The following ZRANB3 variants were observed in gnomAD, a reference collection of about 807,000 sequenced individuals.
ZRANB3 encodes zinc finger RANBP2-type containing 3, also known as DNA annealing helicase and endonuclease ZRANB3.
In ZRANB3, 125 loss-of-function variants were observed where a neutral mutation model predicts 133.8. That is an observed-to-expected ratio of 0.93 (90% confidence interval 0.81 to 1.08). ZRANB3 has a LOEUF of 1.08. Ranked by LOEUF, ZRANB3 falls within the 50% of genes least tolerant of loss-of-function variation. The pLI is 0.00. For synonymous variants in ZRANB3, 387 were observed against 432.7 expected (o/e 0.89, Z 1.31); for missense variants, 1,229 against 1,275.5 (o/e 0.96, Z 0.56).
intron 5 of ZRANB3, among the ~76,000 whole-genome samples, chr2:135,347,334 C>T (rs1573952352): frequency 1.3e-5 from 2 of 151,300 alleles, no homozygotes; most frequent in African/African-American, 4.9e-5. Context: ...GCTCTGTCGC[C>T]CAGGCTGGAG....
At chr2:135,365,803 C>T (rs539618159) in intron 3 of ZRANB3, among the ~76,000 whole-genome samples, 22 of 152,192 alleles carry the variant, frequency 1.4e-4, no homozygotes, top group African/African-American at 5.1e-4. Flanking sequence ...CAGCGTGATG[C>T]TTTATATCCT....
At position 135,316,979 on chromosome 2, in the gene ZRANB3, A is replaced by AT. The variant is rs1216261001; in HGVS notation, c.678-1450_678-1449insA. On this transcript the variant is annotated intron_variant, in intron 6 of 20. Transcript: ENST00000264159. ...GATTCCGTCTCGAGAAAAAAAAAAA[A>AT]AAAAATATATATATATATATATACT... Among the ~76,000 whole-genome samples, 1,315 of 143,022 alleles carry AT rather than the reference A, an allele frequency of 9.2e-3. 10 individuals carry two copies. The highest frequency in any genetic ancestry group is 0.034 in the African/African-American group (1,220 of 35,872). The allele number at this position is 143,022 out of a possible 152,430, so 93.8% of individuals were successfully genotyped here.
chr2:135,501,177 A>AT (rs565857039), intron 2 of ZRANB3, among the ~76,000 whole-genome samples: 1,770 of 151,852 alleles, frequency 0.012, 34 homozygotes, highest in African/African-American at 0.041. Context: ...AATTAGACTG[A>AT]TTTTTTTTTA....
intron 15 of ZRANB3, among the ~76,000 whole-genome samples, chr2:135,221,380 T>A (rs1185527938): frequency 1.3e-5 from 2 of 152,136 alleles, no homozygotes; most frequent in African/African-American, 4.8e-5. Context: ...ACTAGGCTGG[T>A]GGCAGAGCCT....
chr2:135,293,405 T>A (rs1339777861), intron 8 of ZRANB3, among the ~76,000 whole-genome samples: 117 of 152,102 alleles, frequency 7.7e-4, no homozygotes, highest in Non-Finnish European at 1.3e-3. Context: ...TTGTCTGTTA[T>A]TGGTGTATAA....
chr2:135,359,690 G>T (rs1288144187), intron 3 of ZRANB3, among the ~76,000 whole-genome samples: 2 of 152,108 alleles, frequency 1.3e-5, no homozygotes, highest in Non-Finnish European at 2.9e-5. Context: ...TCTACTTGAA[G>T]ATCATACCCT....
intron 2 of ZRANB3, among the ~76,000 whole-genome samples, chr2:135,469,559 C>T (rs1210738954): frequency 6.6e-6 from 1 of 152,018 alleles, no homozygotes; most frequent in Non-Finnish European, 1.5e-5. Context: ...TGAATAGCAT[C>T]CCATTTTGAG....
chr2:135,375,863 A>AG (rs1160543498), intron 3 of ZRANB3, among the ~76,000 whole-genome samples: 2 of 152,172 alleles, frequency 1.3e-5, no homozygotes, highest in East Asian at 3.9e-4. Flanking sequence ...TCTCAAAAAA[A>AG]AAAAAATATT....
chr2:135,321,398 G>A (rs1225109077), intron 6 of ZRANB3, among the ~76,000 whole-genome samples: 9 of 151,702 alleles, frequency 5.9e-5, no homozygotes, highest in African/African-American at 1.9e-4. Context: ...TCTGTATATC[G>A]CCTTAGGTCA....
intron 2 of ZRANB3, among the ~76,000 whole-genome samples, chr2:135,474,764 AT>A (rs1260321579): frequency 6.6e-6 from 1 of 152,192 alleles, no homozygotes; most frequent in Non-Finnish European, 1.5e-5. Flanking sequence ...ATAATGAAAT[AT>A]TTTCGAGAAT....
At chr2:135,260,922 G>T (rs1679933875) in intron 12 of ZRANB3, among the ~76,000 whole-genome samples, 1 of 144,482 alleles carries the variant, frequency 6.9e-6, no homozygotes, top group African/African-American at 2.5e-5. Flanking sequence ...TATATATAAA[G>T]ATTTTGTATT....
At chr2:135,423,599 C>A (rs1325589835) in intron 2 of ZRANB3, among the ~76,000 whole-genome samples, 1 of 152,090 alleles carries the variant, frequency 6.6e-6, no homozygotes, top group Non-Finnish European at 1.5e-5. Context: ...ATTAAGACTT[C>A]AACACATTTT....
chr2:135,506,441 G>A (rs755264018), intron 1 of ZRANB3, among the ~76,000 whole-genome samples: 3 of 151,720 alleles, frequency 2.0e-5, no homozygotes, highest in Non-Finnish European at 2.9e-5. Context: ...AGGAGGGAAC[G>A]GTGTAAGATG....
At chr2:135,266,969 T>C (rs887755497) in intron 11 of ZRANB3, among the ~76,000 whole-genome samples, 1 of 152,206 alleles carries the variant, frequency 6.6e-6, no homozygotes, top group East Asian at 1.9e-4. Context: ...CTGGAACCAA[T>C]GCCTCCCTCC....
intron 6 of ZRANB3, 70 bp downstream of exon 6, chr2:135,345,480 G>C (rs1166112530): frequency 1.8e-6 from 2 of 1,090,918 alleles, no homozygotes; most frequent in Admixed American, 2.4e-5. Flanking sequence ...AAAAAAAAAA[G>C]AATGATTAAT....
intron 2 of ZRANB3, among the ~76,000 whole-genome samples, chr2:135,483,305 A>G (rs948026796): frequency 5.9e-5 from 9 of 152,252 alleles, no homozygotes; most frequent in African/African-American, 2.2e-4. Flanking sequence ...TCCTGTTATT[A>G]GTCTATTCAG....
intron 2 of ZRANB3, among the ~76,000 whole-genome samples, chr2:135,480,456 G>A (rs1457558997): frequency 6.6e-6 from 1 of 152,220 alleles, no homozygotes; most frequent in Non-Finnish European, 1.5e-5. Flanking sequence ...AATGGGTAAT[G>A]TAACAGAAAA....
intron 2 of ZRANB3, among the ~76,000 whole-genome samples, chr2:135,499,934 A>G (rs1394358958): frequency 6.6e-6 from 1 of 152,188 alleles, no homozygotes; most frequent in Admixed American, 6.5e-5. Flanking sequence ...GGTATCACCA[A>G]TGTAACCAAT....
intron 11 of ZRANB3, among the ~76,000 whole-genome samples, chr2:135,268,215 G>T (rs1680338967): frequency 6.6e-6 from 1 of 151,056 alleles, no homozygotes; most frequent in African/African-American, 2.4e-5. Context: ...GAGTGCAATT[G>T]TTGCAATGGT....
Sources: gnomAD v4.1 joint callset for allele counts (sites outside exome capture counted in the v4.1 genomes callset) on GRCh38, gnomAD v4.1.1 for gene constraint, MANE v1.5 for transcripts, NCBI Gene and HGNC (gene_info 2026-07-23, HGNC 2026-07-21) for gene names.